Variants in PRKG1 observed in about 807,000 individuals in gnomAD.
The protein encoded by PRKG1 is cGMP-dependent protein kinase 1.
A neutral mutation model predicts 88.1 loss-of-function variants in PRKG1; 35 were observed. The ratio of observed to expected loss-of-function variants is 0.40; its 90% confidence interval spans 0.30 to 0.53. PRKG1 has a LOEUF of 0.53. Among genes scored for constraint, PRKG1 ranks in the 20% least tolerant of loss-of-function variants. The pLI is 0.59. For missense variants in PRKG1, 540 were observed against 839.8 expected (o/e 0.64, Z 4.41); for synonymous variants, 303 against 292.5 (o/e 1.04, Z -0.37).
intron 3 of PRKG1, among the ~76,000 whole-genome samples, chr10:51,579,799 A>T (rs1425366156): frequency 6.6e-6 from 1 of 152,080 alleles, no homozygotes; most frequent in East Asian, 1.9e-4. Flanking sequence ...GCACTTACAG[A>T]TTTTAGCAAT....
At chr10:51,482,485 C>T (rs293311) in intron 3 of PRKG1, among the ~76,000 whole-genome samples, 101,133 of 152,008 alleles carry the variant, frequency 0.67, 34,639 homozygotes, top group East Asian at 0.93. Context: ...GCCTCCTTAT[C>T]CAGACTGCCA....
intron 10 of PRKG1, among the ~76,000 whole-genome samples, chr10:52,268,068 T>G (rs55898830): frequency 0.026 from 4,027 of 152,116 alleles, 156 homozygotes; most frequent in African/African-American, 0.093. Context: ...CTGGTTAAGA[T>G]CCTGAGTTCT....
At chr10:51,528,248 A>C (rs777988680) in intron 3 of PRKG1, among the ~76,000 whole-genome samples, 3 of 152,218 alleles carry the variant, frequency 2.0e-5, no homozygotes, top group Non-Finnish European at 4.4e-5. Flanking sequence ...CATAACAAAT[A>C]ATCCTGATTT....
intron 2 of PRKG1, among the ~76,000 whole-genome samples, chr10:51,226,108 G>T (rs1314984690): frequency 1.3e-5 from 2 of 152,078 alleles, no homozygotes; most frequent in East Asian, 3.9e-4. Flanking sequence ...GAAGGCTGAG[G>T]CATGAGAATT....
intron 2 of PRKG1, among the ~76,000 whole-genome samples, chr10:51,244,514 T>C (rs192339988): frequency 7.6e-4 from 115 of 152,148 alleles, no homozygotes; most frequent in African/African-American, 2.7e-3. Flanking sequence ...TTCCCCCTGC[T>C]GTGGAGTCTC....
intron 3 of PRKG1, among the ~76,000 whole-genome samples, chr10:51,795,867 G>A (rs1255927847): frequency 6.6e-6 from 1 of 152,074 alleles, no homozygotes; most frequent in East Asian, 1.9e-4. Flanking sequence ...GTATGGATCA[G>A]CAAACATTTT....
Position 51,954,210 on chromosome 10 carries a change from G to A in PRKG1, c.762+46640G>A, listed in dbSNP as rs372884224. ...AAAATGTTTTTGAAATGACAATTAT[G>A]TAATAATCCATTGAAAATAATAGGC... On this transcript the variant is annotated intron_variant, in intron 5 of 17. Transcript: ENST00000373980. Among the ~76,000 whole-genome samples, 268 of 152,216 alleles carry A rather than the reference G, an allele frequency of 1.8e-3. 2 individuals are homozygous for A. The highest frequency in any genetic ancestry group is 5.7e-3 in the African/African-American group (237 of 41,546).
At chr10:51,489,067 A>G (rs1468583566) in intron 3 of PRKG1, among the ~76,000 whole-genome samples, 1 of 152,206 alleles carries the variant, frequency 6.6e-6, no homozygotes, top group East Asian at 1.9e-4. Flanking sequence ...AGTTAGCAAC[A>G]TACATTGAAA....
intron 3 of PRKG1, among the ~76,000 whole-genome samples, chr10:51,758,483 T>C (rs982024773): frequency 2.0e-5 from 3 of 152,164 alleles, no homozygotes; most frequent in Non-Finnish European, 4.4e-5. Context: ...AGGCAGTTTA[T>C]TGGGGCTTTC....
chr10:51,902,620 G>A (rs1264740882), intron 4 of PRKG1, among the ~76,000 whole-genome samples: 1 of 152,114 alleles, frequency 6.6e-6, no homozygotes, highest in Non-Finnish European at 1.5e-5. Flanking sequence ...AGTGGATGAT[G>A]ATAATAAGGT....
At chr10:51,652,759 G>A (rs1208256700) in intron 3 of PRKG1, among the ~76,000 whole-genome samples, 3 of 151,962 alleles carry the variant, frequency 2.0e-5, no homozygotes, top group African/African-American at 7.2e-5. Flanking sequence ...TATTACTTTA[G>A]CAATTTTGAA....
At chr10:51,165,083 A>G (rs1257247780) in intron 2 of PRKG1, among the ~76,000 whole-genome samples, 1 of 152,180 alleles carries the variant, frequency 6.6e-6, no homozygotes, top group Non-Finnish European at 1.5e-5. Context: ...AGCAACTCCA[A>G]GACACATAAT....
intron 4 of PRKG1, among the ~76,000 whole-genome samples, chr10:51,892,086 C>T (rs192548363): frequency 3.3e-4 from 51 of 152,290 alleles, no homozygotes; most frequent in African/African-American, 1.1e-3. Context: ...ATCTTGTCAC[C>T]TCAGCCTAAA....
chr10:51,135,916 A>C (rs1845673861), intron 1 of PRKG1, among the ~76,000 whole-genome samples: 1 of 125,884 alleles, frequency 7.9e-6, no homozygotes. Flanking sequence ...AATATTTAGG[A>C]GGTAGCCATG....
chr10:51,552,083 C>G (rs991100051), intron 3 of PRKG1, among the ~76,000 whole-genome samples: 1 of 151,450 alleles, frequency 6.6e-6, no homozygotes, highest in Admixed American at 6.6e-5. Context: ...AGCTATATAC[C>G]CTACAGACTC....
intron 7 of PRKG1, among the ~76,000 whole-genome samples, chr10:52,072,890 A>G (rs1247182959): frequency 6.6e-6 from 1 of 152,204 alleles, no homozygotes; most frequent in African/African-American, 2.4e-5. Flanking sequence ...TGATGATGAC[A>G]AAGTATTTGT....
At chr10:52,180,932 C>A (rs1264284206) in intron 9 of PRKG1, among the ~76,000 whole-genome samples, 2 of 152,198 alleles carry the variant, frequency 1.3e-5, no homozygotes, top group Non-Finnish European at 2.9e-5. Context: ...GGCTGCCTGG[C>A]TTCTCAGCTG....
chr10:51,397,435 A>G (rs1279260072), intron 2 of PRKG1, among the ~76,000 whole-genome samples: 3 of 152,162 alleles, frequency 2.0e-5, no homozygotes, highest in African/African-American at 7.2e-5. Context: ...CAGGTTCACT[A>G]AACCTTGGCT....
At chr10:51,300,893 A>T (rs1239829058) in intron 2 of PRKG1, among the ~76,000 whole-genome samples, 1 of 152,238 alleles carries the variant, frequency 6.6e-6, no homozygotes, top group Non-Finnish European at 1.5e-5. Context: ...GCAGCCTGAA[A>T]ATAGTGTGTC....
Sources: allele counts gnomAD v4.1 joint callset (sites outside exome capture counted in the v4.1 genomes callset), GRCh38; gene constraint gnomAD v4.1.1; transcripts MANE v1.5; gene names NCBI Gene and HGNC (gene_info 2026-07-23, HGNC 2026-07-21).